Variants in DIAPH2 observed in about 807,000 individuals in gnomAD.
The protein encoded by DIAPH2 is protein diaphanous homolog 2.
In DIAPH2, 35 loss-of-function variants were observed where a neutral mutation model predicts 92.7. The observed-to-expected ratio is 0.38, with a 90% CI of 0.29 to 0.50. DIAPH2 has a LOEUF of 0.50. Ranked by LOEUF, DIAPH2 falls within the 20% of genes least tolerant of loss-of-function variation. The probability of loss-of-function intolerance (pLI) is 0.94; values close to 1 mark genes in which losing one functional copy is unlikely to be tolerated. For synonymous variants in DIAPH2, 301 were observed against 280.4 expected (o/e 1.07, Z -0.73); for missense variants, 701 against 819.5 (o/e 0.86, Z 1.77).
At chrX:97,469,981 A>G (rs1244424074) in intron 26 of DIAPH2, 6 of 412,242 alleles carry the variant, frequency 1.5e-5, no homozygotes, top group South Asian at 8.4e-5. Context: ...AAACAGATAT[A>G]TAGTCTACAA....
intron 23 of DIAPH2, among the ~76,000 whole-genome samples, chrX:97,269,992 G>A (rs756094086): frequency 5.5e-5 from 6 of 109,617 alleles, no homozygotes; most frequent in African/African-American, 1.7e-4. Context: ...GTGCAGTGGC[G>A]TGATCTCGGC....
rs184829636 is a variant in DIAPH2 at position 96,933,562 on chromosome X, A to G, written c.1089+2719A>G. On this transcript the variant is annotated intron_variant, in intron 10 of 26. Coordinates refer to ENST00000324765, the MANE Select transcript of DIAPH2 (RefSeq NM_006729.5). ...TGTGTATATATATATGTGTGTGTGTATATATATATATATTTATATATTTTA... is the reference window on the plus strand; with the variant it reads ...TGTGTATATATATATGTGTGTGTGTGTATATATATATATTTATATATTTTA... Among the ~76,000 whole-genome samples, 247 of 100,892 alleles carry G rather than the reference A, an allele frequency of 2.4e-3. 1 individual carries two copies. The highest frequency in any genetic ancestry group is 8.2e-3 in the African/African-American group (224 of 27,341). The allele number at this position is 100,892 out of a possible 115,157, so 87.6% of individuals were successfully genotyped here.
chrX:97,391,724 A>G (rs1006878235), intron 25 of DIAPH2, among the ~76,000 whole-genome samples: 2 of 111,655 alleles, frequency 1.8e-5, no homozygotes, highest in Admixed American at 9.6e-5. Flanking sequence ...TAGCAAAAGT[A>G]AGGTATCTTT....
intron 23 of DIAPH2, among the ~76,000 whole-genome samples, chrX:97,314,304 C>G (rs565441978): frequency 9.2e-6 from 1 of 108,803 alleles, no homozygotes; most frequent in Non-Finnish European, 1.9e-5. Flanking sequence ...CCCAGCTACT[C>G]GGTAGGCTAA....
intron 26 of DIAPH2, among the ~76,000 whole-genome samples, chrX:97,476,900 C>T (rs1425460199): frequency 9.3e-4 from 79 of 84,913 alleles, no homozygotes; most frequent in African/African-American, 3.2e-3. Context: ...GCCGAGATTG[C>T]GCCATTGCAC....
chrX:97,426,443 C>G (rs1452338100), intron 25 of DIAPH2, among the ~76,000 whole-genome samples: 2 of 110,523 alleles, frequency 1.8e-5, no homozygotes, highest in African/African-American at 6.6e-5. Context: ...CGCCTGCCAT[C>G]ACACCTGGCT....
chrX:96,811,845 C>A (rs1288358628), intron 4 of DIAPH2, among the ~76,000 whole-genome samples: 1 of 111,782 alleles, frequency 8.9e-6, no homozygotes, highest in African/African-American at 3.3e-5. Flanking sequence ...GTATGTTGAA[C>A]CAGCCTTGCA....
At chrX:96,937,598 T>C (rs2147799343) in intron 11 of DIAPH2, among the ~76,000 whole-genome samples, 1 of 111,930 alleles carries the variant, frequency 8.9e-6, no homozygotes, top group African/African-American at 3.2e-5. Flanking sequence ...TATACTCTAC[T>C]CAGTGGTCTT....
At chrX:97,518,414 G>A (rs1174545246) in intron 26 of DIAPH2, among the ~76,000 whole-genome samples, 2 of 110,856 alleles carry the variant, frequency 1.8e-5, no homozygotes, top group Non-Finnish European at 3.8e-5. Context: ...CCCCAGAAGA[G>A]CTTGACATTT....
intron 1 of DIAPH2, among the ~76,000 whole-genome samples, chrX:96,708,335 C>T (rs778664578): frequency 3.8e-5 from 4 of 104,749 alleles, no homozygotes; most frequent in Non-Finnish European, 7.8e-5. Context: ...CTCCGCCTCC[C>T]GGGTTCAAGC....
chrX:97,551,192 A>C (rs186745220), intron 26 of DIAPH2, among the ~76,000 whole-genome samples: 12 of 111,612 alleles, frequency 1.1e-4, no homozygotes, highest in Admixed American at 9.5e-4. Context: ...TGGTAACACC[A>C]AACTAGGCAG....
At chrX:97,593,901 A>T (rs2071533885) in intron 26 of DIAPH2, among the ~76,000 whole-genome samples, 1 of 111,653 alleles carries the variant, frequency 9.0e-6, no homozygotes, top group South Asian at 3.7e-4. Flanking sequence ...AATCAGATGC[A>T]ATTTTTTCAC....
chrX:97,118,157 A>G (rs886319190), intron 21 of DIAPH2, among the ~76,000 whole-genome samples: 6 of 112,061 alleles, frequency 5.4e-5, no homozygotes, highest in African/African-American at 1.9e-4. Flanking sequence ...TAACTAAGCC[A>G]GAAACTGAGG....
chrX:96,818,889 G>A (rs1443525347), intron 4 of DIAPH2, among the ~76,000 whole-genome samples: 1 of 112,636 alleles, frequency 8.9e-6, no homozygotes, highest in African/African-American at 3.2e-5. Context: ...GGGACGGGCG[G>A]GGTGCGGGGA....
At chrX:97,516,862 G>C in intron 26 of DIAPH2, among the ~76,000 whole-genome samples, 1 of 112,149 alleles carries the variant, frequency 8.9e-6, no homozygotes, top group Non-Finnish European at 1.9e-5. Flanking sequence ...ACAGGCATGC[G>C]CCACTGTATC....
chrX:96,858,965 A>G (rs1357605048), intron 4 of DIAPH2, among the ~76,000 whole-genome samples: 2 of 112,210 alleles, frequency 1.8e-5, no homozygotes, highest in African/African-American at 6.5e-5. Flanking sequence ...TGTATTAGAA[A>G]TTTAAAAGCC....
chrX:97,340,920 T>A (rs2069108046), intron 23 of DIAPH2: 1 of 110,124 alleles, frequency 9.1e-6, no homozygotes, highest in Non-Finnish European at 1.9e-5. Flanking sequence ...CCCAAAGTGC[T>A]GGGATTTCAC....
intron 17 of DIAPH2, among the ~76,000 whole-genome samples, chrX:97,041,107 G>T (rs1229212967): frequency 9.0e-6 from 1 of 110,660 alleles, no homozygotes; most frequent in Non-Finnish European, 1.9e-5. Flanking sequence ...TCCTTACATG[G>T]TTCATTCATT....
At chrX:96,828,187 C>T (rs952860962) in intron 4 of DIAPH2, among the ~76,000 whole-genome samples, 4 of 112,090 alleles carry the variant, frequency 3.6e-5, no homozygotes, top group Non-Finnish European at 5.6e-5. Context: ...GCTCTTCTCA[C>T]GGAGGTCAGT....
Sources: allele counts gnomAD v4.1 joint callset (sites outside exome capture counted in the v4.1 genomes callset), GRCh38; gene constraint gnomAD v4.1.1; transcripts MANE v1.5; gene names NCBI Gene and HGNC (gene_info 2026-07-23, HGNC 2026-07-21).